NRCAM: variants seen among roughly 807,000 people sequenced by gnomAD.
NRCAM encodes NgCAM-related cell adhesion molecule.
Under a neutral mutation model 156.5 loss-of-function variants are expected in NRCAM, and 83 were observed. The ratio of observed to expected loss-of-function variants is 0.53; its 90% confidence interval spans 0.44 to 0.64. The LOEUF is 0.64. Among genes scored for constraint, NRCAM ranks in the 30% least tolerant of loss-of-function variants. The pLI is 0.00. For missense variants in NRCAM, 1,417 were observed against 1,597.3 expected (o/e 0.89, Z 1.92); for synonymous variants, 538 against 563.9 (o/e 0.95, Z 0.65).
chr7:108,454,602 G>T (rs1311752093), intron 1 of NRCAM, among the ~76,000 whole-genome samples: 1 of 152,202 alleles, frequency 6.6e-6, no homozygotes, highest in Non-Finnish European at 1.5e-5. Flanking sequence ...CAGTACTTCA[G>T]CAAGTACTGC....
chr7:108,216,957 C>G lies in NRCAM; in HGVS notation c.890+6768G>C, dbSNP rs565204785. On this transcript the variant is annotated intron_variant, in intron 11 of 32. Coordinates refer to ENST00000379028, the MANE Select transcript of NRCAM (RefSeq NM_001037132.4). ...TTTTCTGTCCAGTTTTGTTCCCTTG[C>G]TGGTGAGTAGTTGTGATCCTTTGGA... Among the ~76,000 whole-genome samples the G allele has an allele frequency of 4.6e-5, 7 of 152,266 alleles. No homozygotes were observed. The South Asian group carries it at 1.4e-3, about 32-fold the overall frequency.
At chr7:108,423,670 C>T (rs10241941) in intron 1 of NRCAM, among the ~76,000 whole-genome samples, 135,128 of 152,234 alleles carry the variant, frequency 0.89, 60,691 homozygotes, top group East Asian at 1. Context: ...CTCTGAACTT[C>T]ATTTTTGGTG....
In NRCAM at chr7:108,412,266, A is replaced by G. The variant is rs1164928973; in HGVS notation, c.-331-12673T>C. Among the ~76,000 whole-genome samples the G allele has an allele frequency of 2.6e-5, 4 of 152,196 alleles. No homozygotes were observed. In the East Asian group the frequency reaches 7.7e-4, roughly 29 times the overall value. The stretch of plus-strand genomic sequence containing the variant: ...ATTGTTGTTAAATTTTACAAAAAAA[A>G]AAACCCAAAAAACGATGAAGCTAAA... On this transcript the variant is annotated intron_variant, in intron 1 of 32. Transcript: ENST00000379028.
At chr7:108,386,161 A>G (rs1240658548) in intron 2 of NRCAM, among the ~76,000 whole-genome samples, 3 of 152,166 alleles carry the variant, frequency 2.0e-5, no homozygotes, top group Admixed American at 2.0e-4. Flanking sequence ...AGATCATCTG[A>G]TGGCTCCAAT....
In NRCAM at chr7:108,159,543, T is replaced by C. The variant is rs2047561109; in HGVS notation, c.3599-2A>G. 1 of 1,611,174 alleles carries C rather than the reference T, an allele frequency of 6.2e-7. No individual in the cohort carries two copies. The highest frequency in any genetic ancestry group is 1.7e-5 in the Admixed American group (1 of 59,928). ...CATGGGCATCTTCCTTTTCTTTAAC[T>C]AAAAAATGCCAAAATGGTATTATTA... On this transcript the variant is annotated splice_acceptor_variant, in intron 31 of 32. Transcript: ENST00000379028. LOFTEE classifies it high-confidence loss of function.
intron 20 of NRCAM, 127 bp downstream of exon 20, chr7:108,189,518 T>C: frequency 3.2e-6 from 2 of 620,004 alleles, no homozygotes. Context: ...TAAATATTTT[T>C]ATTCTATCAG....
intron 1 of NRCAM, among the ~76,000 whole-genome samples, chr7:108,427,182 C>T (rs1363416236): frequency 6.6e-6 from 1 of 152,102 alleles, no homozygotes; most frequent in African/African-American, 2.4e-5. Flanking sequence ...GGCTTCTTCA[C>T]CCTTGCAACC....
chr7:108,290,547 A>T (rs2098256098), intron 3 of NRCAM, among the ~76,000 whole-genome samples: 2 of 152,234 alleles, frequency 1.3e-5, no homozygotes, highest in South Asian at 4.1e-4. Flanking sequence ...AGCTGGGTCA[A>T]CAGTACAGTA....
At chr7:108,201,138 G>A (rs1254772337) in intron 13 of NRCAM, among the ~76,000 whole-genome samples, 3 of 120,346 alleles carry the variant, frequency 2.5e-5, no homozygotes, top group Admixed American at 8.4e-5. Context: ...AATAATACAA[G>A]AATAAAGTAG....
chr7:108,317,038 C>T (rs1305522670), intron 2 of NRCAM, among the ~76,000 whole-genome samples: 4 of 152,140 alleles, frequency 2.6e-5, no homozygotes, highest in African/African-American at 9.7e-5. Flanking sequence ...CCTATCTCTC[C>T]ATTTCTGGCT....
At chr7:108,242,894 T>G (rs1420657773) in intron 3 of NRCAM, among the ~76,000 whole-genome samples, 4 of 152,188 alleles carry the variant, frequency 2.6e-5, no homozygotes, top group Non-Finnish European at 5.9e-5. Flanking sequence ...CCCTCCAATA[T>G]AGAGAAAATC....
intron 1 of NRCAM, among the ~76,000 whole-genome samples, chr7:108,412,966 A>G (rs1797299456): frequency 6.6e-6 from 1 of 152,120 alleles, no homozygotes; most frequent in African/African-American, 2.4e-5. Flanking sequence ...ACTTCGGTTG[A>G]TCCATGTCTT....
intron 1 of NRCAM, among the ~76,000 whole-genome samples, chr7:108,423,771 G>A (rs1241223777): frequency 6.6e-6 from 1 of 152,146 alleles, no homozygotes; most frequent in Non-Finnish European, 1.5e-5. Context: ...CAAGAACCTG[G>A]GTGATAACAC....
chr7:108,350,650 C>A (rs2099405377), intron 2 of NRCAM, among the ~76,000 whole-genome samples: 1 of 152,160 alleles, frequency 6.6e-6, no homozygotes, highest in Non-Finnish European at 1.5e-5. Flanking sequence ...ATACCCACTC[C>A]CCTGTTGGTG....
intron 2 of NRCAM, among the ~76,000 whole-genome samples, chr7:108,385,018 A>G (rs1340607704): frequency 6.6e-6 from 1 of 152,182 alleles, no homozygotes. Context: ...ATAAAAGACA[A>G]ATGACTTTCT....
chr7:108,314,442 A>G (rs1301498785), intron 2 of NRCAM, among the ~76,000 whole-genome samples: 2 of 152,208 alleles, frequency 1.3e-5, no homozygotes, highest in Non-Finnish European at 2.9e-5. Context: ...AACTTACCCT[A>G]TTAAATAAAA....
At chr7:108,203,906 C>T (rs1435552535) in intron 13 of NRCAM, among the ~76,000 whole-genome samples, 1 of 152,154 alleles carries the variant, frequency 6.6e-6, no homozygotes, top group Non-Finnish European at 1.5e-5. Context: ...ATGCTAGGAC[C>T]CCATGATGAA....
chr7:108,278,850 T>TTGC (rs1297397496), intron 3 of NRCAM, among the ~76,000 whole-genome samples: 3 of 152,240 alleles, frequency 2.0e-5, no homozygotes, highest in Non-Finnish European at 2.9e-5. Context: ...TGTGTCGATC[T>TTGC]TGCTGGGAGC....
chr7:108,182,300 T>G (rs545450442), intron 23 of NRCAM, among the ~76,000 whole-genome samples: 1 of 151,048 alleles, frequency 6.6e-6, no homozygotes, highest in Non-Finnish European at 1.5e-5. Context: ...CAAAATACAG[T>G]CAGCCCTCTA....
Sources: allele counts gnomAD v4.1 joint callset (sites outside exome capture counted in the v4.1 genomes callset), GRCh38; gene constraint gnomAD v4.1.1; transcripts MANE v1.5; gene names NCBI Gene and HGNC (gene_info 2026-07-23, HGNC 2026-07-21).